Variants in HIP1 observed in about 807,000 individuals in gnomAD.
HIP1 encodes the protein huntingtin interacting protein 1, also known as huntingtin-interacting protein 1.
A neutral mutation model predicts 147.6 loss-of-function variants in HIP1; 65 were observed. The ratio of observed to expected loss-of-function variants is 0.44; its 90% CI spans 0.36 to 0.54. HIP1 has a LOEUF of 0.54. Among genes scored for constraint, HIP1 ranks in the 20% least tolerant of loss-of-function variants. The probability of loss-of-function intolerance (pLI) is 0.00; values close to 1 mark genes in which losing one functional copy is unlikely to be tolerated. For missense variants in HIP1, 1,061 were observed against 1,299.6 expected, an observed-to-expected ratio of 0.82 and a Z score of 2.82; for synonymous variants, 479 against 504.0, an observed-to-expected ratio of 0.95 and a Z score of 0.67.
chr7:75,562,025 G>C, intron 12 of HIP1, 48 bp downstream of exon 12: 1 of 1,085,846 alleles, frequency 9.2e-7, no homozygotes, highest in Non-Finnish European at 1.4e-6. Flanking sequence ...GCAGACCATG[G>C]CTTAACTTAG....
chr7:75,699,937 A>ACC (rs1276761904), intron 1 of HIP1, among the ~76,000 whole-genome samples: 2 of 150,716 alleles, frequency 1.3e-5, no homozygotes, highest in African/African-American at 4.9e-5. Context: ...TGCAACCTCC[A>ACC]CCTCCCAGGC....
chr7:75,591,724 A>G (rs1340236370), intron 4 of HIP1, among the ~76,000 whole-genome samples: 1,400 of 138,736 alleles, frequency 0.01, 20 homozygotes, highest in African/African-American at 0.038. Context: ...GTCTCTACCA[A>G]AAAAAAAAAA....
chr7:75,686,439 C>T (rs546655575), intron 1 of HIP1, among the ~76,000 whole-genome samples: 1 of 152,214 alleles, frequency 6.6e-6, no homozygotes, highest in East Asian at 1.9e-4. Flanking sequence ...AATTTTATTT[C>T]TCCCTGTGCA....
At chr7:75,728,670 C>T (rs1281758665) in intron 1 of HIP1, among the ~76,000 whole-genome samples, 3 of 151,656 alleles carry the variant, frequency 2.0e-5, no homozygotes, top group African/African-American at 4.8e-5. Context: ...GCCATAGGGA[C>T]ACGCCCCATC....
intron 1 of HIP1, among the ~76,000 whole-genome samples, chr7:75,653,079 ACT>A (rs1288246488): frequency 6.6e-6 from 1 of 151,754 alleles, no homozygotes; most frequent in Admixed American, 6.6e-5. Context: ...GTCTCTGAAA[ACT>A]CTGGTAAATA....
At chr7:75,558,631 A>G (rs1358869537) in intron 14 of HIP1, among the ~76,000 whole-genome samples, 2 of 152,222 alleles carry the variant, frequency 1.3e-5, no homozygotes, top group South Asian at 4.2e-4. Flanking sequence ...TCTTCCTTTG[A>G]TTTAGGAATG....
chr7:75,608,972 G>A (rs1469513125), intron 1 of HIP1, among the ~76,000 whole-genome samples: 1 of 152,186 alleles, frequency 6.6e-6, no homozygotes, highest in Non-Finnish European at 1.5e-5. Flanking sequence ...TCCTGAATGA[G>A]TTACTTCTCC....
At chr7:75,638,865 G>A (rs1265766128) in intron 1 of HIP1, among the ~76,000 whole-genome samples, 2 of 152,156 alleles carry the variant, frequency 1.3e-5, no homozygotes, top group East Asian at 2.0e-4. Flanking sequence ...CATCCCGGCC[G>A]GCCAGCCGCC....
At position 75,559,671 on chromosome 7, in the gene HIP1, G is replaced by A. The variant is rs2116832040; in HGVS notation, c.1375+61C>T. ...GCCTCTGTGCCGCATCCTGAGTCCA[G>A]CTGGGCTCTGCTGCCCGCGCCTGCC... is the stretch of plus-strand genomic sequence containing the variant. On this transcript the variant is annotated intron_variant, in intron 14 of 30. Coordinates refer to ENST00000336926, the MANE Select transcript of HIP1 (RefSeq NM_005338.7). The A allele has an allele frequency of 5.9e-6, 8 of 1,354,356 alleles. 1 individual carries two copies. Among genetic ancestry groups the A allele is most frequent in the South Asian group, 4.1e-5 (3 of 72,708 alleles). The allele number at this position is 1,354,356 out of a possible 1,614,324, so 83.9% of individuals were successfully genotyped here. A position where few individuals can be genotyped will look rare whatever the true frequency, so the allele number is the denominator to read the frequency against.
Position 75,568,898 on chromosome 7 carries a change from A to G in HIP1, c.746-642T>C, listed in dbSNP as rs2116870121. Among the ~76,000 whole-genome samples the G allele has an allele frequency of 2.0e-5, 3 of 152,198 alleles. No individual in the cohort carries two copies. The East Asian group carries it at 5.8e-4, about 29-fold the overall frequency. ...GTGGCATGCGCCTGTAATCCCAGCT[A>G]CTTGGGAGGCTGAGGCAGGAGAATT... On this transcript the variant is annotated intron_variant, in intron 8 of 30. Coordinates refer to ENST00000336926, the MANE Select transcript of HIP1 (RefSeq NM_005338.7). The surrounding 1 kb of genome is among the most constrained non-coding windows in gnomAD (Gnocchi z 4.1).
intron 1 of HIP1, among the ~76,000 whole-genome samples, chr7:75,646,573 C>T (rs1021409514): frequency 2.6e-5 from 4 of 152,218 alleles, no homozygotes; most frequent in Non-Finnish European, 5.9e-5. Flanking sequence ...GTGGCTTGCC[C>T]GGGGTCTTGC....
chr7:75,643,037 A>T (rs1554510685), intron 1 of HIP1, among the ~76,000 whole-genome samples: 1 of 152,188 alleles, frequency 6.6e-6, no homozygotes, highest in Non-Finnish European at 1.5e-5. Context: ...ATTCGTACAG[A>T]AGGTGAGGTG....
chr7:75,726,686 T>A (rs1801659767), intron 1 of HIP1, among the ~76,000 whole-genome samples: 1 of 151,246 alleles, frequency 6.6e-6, no homozygotes, highest in Non-Finnish European at 1.5e-5. Context: ...TGTAGAGGTA[T>A]CTCATTAAAT....
intron 1 of HIP1, among the ~76,000 whole-genome samples, chr7:75,635,195 T>C (rs782181971): frequency 1.3e-5 from 2 of 152,120 alleles, no homozygotes; most frequent in Non-Finnish European, 2.9e-5. Context: ...GGCAGATATC[T>C]GATGTCATCA....
intron 1 of HIP1, among the ~76,000 whole-genome samples, chr7:75,628,185 T>C (rs952604436): frequency 6.6e-6 from 1 of 152,194 alleles, no homozygotes; most frequent in African/African-American, 2.4e-5. Flanking sequence ...ATCCCCTCAG[T>C]CCCTGCAGGA....
At chr7:75,665,406 A>G (rs557976801) in intron 1 of HIP1, among the ~76,000 whole-genome samples, 36 of 152,258 alleles carry the variant, frequency 2.4e-4, no homozygotes, top group African/African-American at 8.4e-4. Context: ...TTGAGGTAGT[A>G]TCTGTGGAGA....
chr7:75,627,525 T>C (rs1271303583), intron 1 of HIP1, among the ~76,000 whole-genome samples: 9 of 152,080 alleles, frequency 5.9e-5, no homozygotes, highest in Admixed American at 3.3e-4. Context: ...AGCTTGAACA[T>C]GAAAATAGGA....
At chr7:75,578,699 G>A (rs941695199) in intron 7 of HIP1, among the ~76,000 whole-genome samples, 18 of 152,216 alleles carry the variant, frequency 1.2e-4, no homozygotes, top group Admixed American at 2.6e-4. Flanking sequence ...ACAAAAAAGT[G>A]AAAGCTAAAT....
chr7:75,716,711 AG>A (rs1801333866), intron 1 of HIP1, among the ~76,000 whole-genome samples: 1 of 150,696 alleles, frequency 6.6e-6, no homozygotes, highest in Non-Finnish European at 1.5e-5. Context: ...TAGTAGAGAC[AG>A]GGTTTCACCG....
Sources: allele counts gnomAD v4.1 joint callset (sites outside exome capture counted in the v4.1 genomes callset), GRCh38; gene constraint gnomAD v4.1.1; non-coding constraint Gnocchi (gnomAD v3.1); transcripts MANE v1.5; gene names NCBI Gene and HGNC (gene_info 2026-07-23, HGNC 2026-07-21).